TYW1B: variants seen among roughly 807,000 people sequenced by gnomAD.
TYW1B encodes tRNA-yW synthesizing protein 1 homolog B, also known as S-adenosyl-L-methionine-dependent tRNA 4-demethylwyosine synthase TYW1B.
In TYW1B, 73 loss-of-function variants were observed where a neutral mutation model predicts 86.9. The ratio of observed to expected loss-of-function variants is 0.84; its 90% confidence interval spans 0.70 to 1.02. TYW1B has a LOEUF of 1.02. TYW1B is among the 50% of genes least tolerant of loss of function. The pLI, the probability that TYW1B is intolerant of heterozygous loss-of-function variation, is 0.00. For synonymous variants in TYW1B, 248 were observed against 292.8 expected, an observed-to-expected ratio of 0.85 and a Z score of 1.56; for missense variants, 637 against 827.4, an observed-to-expected ratio of 0.77 and a Z score of 2.82.
At chr7:72,780,369 A>G (rs1167445585) in intron 6 of TYW1B, among the ~76,000 whole-genome samples, 1 of 152,242 alleles carries the variant, frequency 6.6e-6, no homozygotes, top group African/African-American at 2.4e-5. Flanking sequence ...GCGAGTCTCT[A>G]TAATTCCTCT....
intron 11 of TYW1B, among the ~76,000 whole-genome samples, chr7:72,656,192 ACT>A (rs1813199974): frequency 1.3e-5 from 2 of 152,058 alleles, no homozygotes; most frequent in African/African-American, 2.4e-5. Context: ...ACTGAGAGGA[ACT>A]CTCACACACC....
chr7:72,575,104 C>T lies in TYW1B; in HGVS notation c.*394G>A. 1.9e-6 allele frequency: 2 copies of T among 1,044,400 alleles called. No homozygotes were observed. The highest frequency in any genetic ancestry group is 1.2e-6 in the Non-Finnish European group (1 of 866,748). The allele number at this position is 1,044,400 out of a possible 1,614,324, so 64.7% of individuals were successfully genotyped here. A position where few individuals can be genotyped will look rare whatever the true frequency, so the allele number is the denominator to read the frequency against. ...GCAATTCAATGCTAAGTGGCTGCTC[C>T]ATGAAATCCAAGGGCCAGGTGAGGG... On this transcript the variant is annotated 3_prime_UTR_variant, in exon 14 of 14. Transcript: ENST00000620995.
Position 72,749,267 on chromosome 7 carries a change from T to C in TYW1B, c.965-4666A>G, listed in dbSNP as rs186745229. On this transcript the variant is annotated intron_variant, in intron 7 of 13. Coordinates refer to ENST00000620995, the MANE Select transcript of TYW1B (RefSeq NM_001145440.3). ...TCAATGGCTGCAGGACCTGTAATAA[T>C]ATTGTTTCATTCCTGATATTGATGA... Among the ~76,000 whole-genome samples, 42 of 152,284 alleles carry C rather than the reference T, an allele frequency of 2.8e-4. 1 individual carries two copies. Among genetic ancestry groups the C allele is most frequent in the Middle Eastern group, 3.4e-3 (1 of 294 alleles).
intron 6 of TYW1B, among the ~76,000 whole-genome samples, chr7:72,789,227 G>A (rs564355491): frequency 8.5e-5 from 13 of 152,112 alleles, no homozygotes; most frequent in Middle Eastern, 6.8e-3. Flanking sequence ...TCCGCCTCCC[G>A]AGTTCAAGCG....
At chr7:72,746,856 G>C (rs1787404823) in intron 7 of TYW1B, among the ~76,000 whole-genome samples, 1 of 152,144 alleles carries the variant, frequency 6.6e-6, no homozygotes, top group Non-Finnish European at 1.5e-5. Context: ...GACTCTCTAA[G>C]ACACAGGCAA....
intron 3 of TYW1B, 131 bp from the exon 4 acceptor site, chr7:72,810,796 A>C (rs1788596358): frequency 3.1e-6 from 4 of 1,293,056 alleles, no homozygotes; most frequent in Non-Finnish European, 4.2e-6. Context: ...CTCATTTTCG[A>C]AAGTGAAGGG....
intron 4 of TYW1B, among the ~76,000 whole-genome samples, chr7:72,809,095 T>G (rs1378733927): frequency 1.4e-5 from 2 of 147,484 alleles, no homozygotes; most frequent in Non-Finnish European, 3.0e-5. Flanking sequence ...CAGGCTAGAG[T>G]GCAGTGGTGA....
At chr7:72,688,850 G>A (rs1814072292) in intron 11 of TYW1B, among the ~76,000 whole-genome samples, 1 of 152,188 alleles carries the variant, frequency 6.6e-6, no homozygotes, top group South Asian at 2.1e-4. Context: ...TAGGTAAAAG[G>A]TCTGGAGGGA....
At chr7:72,733,984 T>C (rs1169631418) in intron 8 of TYW1B, among the ~76,000 whole-genome samples, 3 of 151,862 alleles carry the variant, frequency 2.0e-5, no homozygotes, top group African/African-American at 7.2e-5. Flanking sequence ...TATAGCCAGA[T>C]GCGGTGGCTC....
intron 11 of TYW1B, among the ~76,000 whole-genome samples, chr7:72,679,691 A>G (rs1247021061): frequency 2.0e-5 from 3 of 152,180 alleles, no homozygotes; most frequent in African/African-American, 7.2e-5. Context: ...TAAAAACGTA[A>G]TTTTTTATTT....
At chr7:72,807,040 A>G in intron 5 of TYW1B, 26 bp downstream of exon 5, 3 of 1,603,348 alleles carry the variant, frequency 1.9e-6, no homozygotes, top group South Asian at 2.2e-5. Flanking sequence ...GGAAAGCATC[A>G]AGAGATGAAC....
chr7:72,784,186 CAACAT>C (rs1405556084), intron 6 of TYW1B, among the ~76,000 whole-genome samples: 1 of 149,690 alleles, frequency 6.7e-6, no homozygotes, highest in Non-Finnish European at 1.5e-5. Flanking sequence ...TTACAAATCA[CAACAT>C]AAGAGAAAGA....
chr7:72,755,062 AAAAT>A (rs1242680790), intron 7 of TYW1B, among the ~76,000 whole-genome samples: 3 of 152,168 alleles, frequency 2.0e-5, no homozygotes, highest in Non-Finnish European at 4.4e-5. Flanking sequence ...CAAAGTATTA[AAAAT>A]AAATAAAATA....
chr7:72,685,341 G>A (rs1417931837), intron 11 of TYW1B, among the ~76,000 whole-genome samples: 1 of 151,882 alleles, frequency 6.6e-6, no homozygotes, highest in Admixed American at 6.6e-5. Context: ...AAAAAATGTG[G>A]AATACAAAAA....
At chr7:72,657,541 G>A (rs1179409118) in intron 11 of TYW1B, among the ~76,000 whole-genome samples, 1 of 152,098 alleles carries the variant, frequency 6.6e-6, no homozygotes, top group Non-Finnish European at 1.5e-5. Flanking sequence ...TCTTCTCTAA[G>A]GCACACTATA....
chr7:72,656,678 C>T (rs552986717), intron 11 of TYW1B, among the ~76,000 whole-genome samples: 65 of 152,198 alleles, frequency 4.3e-4, no homozygotes, highest in African/African-American at 1.5e-3. Flanking sequence ...GTTTAATTAG[C>T]TCACAGTTTT....
At chr7:72,776,761 T>C (rs1787962786) in intron 7 of TYW1B, among the ~76,000 whole-genome samples, 1 of 151,486 alleles carries the variant, frequency 6.6e-6, no homozygotes, top group African/African-American at 2.4e-5. Flanking sequence ...AAATCTATAA[T>C]GAAATCACAT....
In TYW1B at chr7:72,762,183, C is replaced by A. The variant is rs189685303; in HGVS notation, c.964+15233G>T. ...TTAACACTCATCTTCTAAACTATTT[C>A]TATTTCTTCCTGAGATGTAATTAAT... On this transcript the variant is annotated intron_variant, in intron 7 of 13. Coordinates refer to ENST00000620995, the MANE Select transcript of TYW1B (RefSeq NM_001145440.3). Among the ~76,000 whole-genome samples the A allele has an allele frequency of 2.7e-3, 414 of 152,178 alleles. 2 individuals are homozygous for A. The highest frequency in any genetic ancestry group is 9.0e-3 in the African/African-American group (372 of 41,548).
At chr7:72,618,227 A>ATTTTTTTTTTTTTTTTTTTTT (rs869158136) in intron 12 of TYW1B, among the ~76,000 whole-genome samples, 3 of 103,938 alleles carry the variant, frequency 2.9e-5, no homozygotes, top group African/African-American at 4.0e-5. Flanking sequence ...ATGACACTGA[A>ATTTTTTTTTTTTTTTTTTTTT]TTTTTTTTTT....
Sources: allele counts gnomAD v4.1 joint callset (sites outside exome capture counted in the v4.1 genomes callset), GRCh38; gene constraint gnomAD v4.1.1; transcripts MANE v1.5; gene names NCBI Gene and HGNC (gene_info 2026-07-23, HGNC 2026-07-21).